The following ARHGEF10 variants were observed in gnomAD, a reference collection of about 807,000 sequenced individuals.
ARHGEF10 encodes Rho guanine nucleotide exchange factor 10, also known as Rho guanine nucleotide exchange factor (GEF) 10.
In ARHGEF10, 140 loss-of-function variants were observed where a neutral mutation model predicts 147.4. The ratio of observed to expected loss-of-function variants is 0.95; its 90% confidence interval spans 0.83 to 1.09. The LOEUF (loss-of-function observed/expected upper bound fraction) is 1.09, where lower values mean the gene tolerates loss of function less well. Among genes scored for constraint, ARHGEF10 ranks in the 50% least tolerant of loss-of-function variants. ARHGEF10 has a pLI of 0.00. For synonymous variants in ARHGEF10, 902 were observed against 695.8 expected (o/e 1.30, Z -4.67); for missense variants, 2,222 against 1,752.7 (o/e 1.27, Z -4.78).
intron 2 of ARHGEF10, among the ~76,000 whole-genome samples, chr8:1,855,156 A>G (rs1805455673): frequency 6.6e-6 from 1 of 152,162 alleles, no homozygotes; most frequent in African/African-American, 2.4e-5. Context: ...CCTTGCAGAT[A>G]TTTGAGAGCC....
At chr8:1,956,722 C>T (rs1815595423) in intron 28 of ARHGEF10, 27 bp from the exon 29 acceptor site, 3 of 1,613,468 alleles carry the variant, frequency 1.9e-6, no homozygotes, top group East Asian at 4.5e-5. Context: ...TTTTAAAAGA[C>T]AGCTGTTGAA....
chr8:1,827,764 T>C (rs1030786328), intron 1 of ARHGEF10, among the ~76,000 whole-genome samples: 2 of 152,174 alleles, frequency 1.3e-5, no homozygotes, highest in Admixed American at 1.3e-4. Context: ...GTGAAAAAGG[T>C]GTAAAATATT....
chr8:1,888,405 T>G (rs1447344218), intron 11 of ARHGEF10, among the ~76,000 whole-genome samples: 1 of 132,940 alleles, frequency 7.5e-6, no homozygotes, highest in Non-Finnish European at 1.6e-5. Flanking sequence ...GACAGTGGGG[T>G]GAGAGTTGTG....
intron 18 of ARHGEF10, among the ~76,000 whole-genome samples, chr8:1,911,538 C>T (rs907477660): frequency 5.3e-5 from 8 of 152,154 alleles, no homozygotes; most frequent in South Asian, 4.1e-4. Context: ...TTTTTTCCGG[C>T]GTCAGGTAAG....
intron 4 of ARHGEF10, among the ~76,000 whole-genome samples, chr8:1,863,752 C>T (rs1362994433): frequency 1.3e-5 from 2 of 152,128 alleles, no homozygotes; most frequent in African/African-American, 4.8e-5. Flanking sequence ...GTTTGGGAAA[C>T]CTGCACTGCG....
chr8:1,878,656 C>T (rs1403816463), intron 8 of ARHGEF10, among the ~76,000 whole-genome samples: 1 of 152,090 alleles, frequency 6.6e-6, no homozygotes, highest in South Asian at 2.1e-4. Flanking sequence ...GTTTCGCCTT[C>T]ATGGTGGGCT....
intron 18 of ARHGEF10, among the ~76,000 whole-genome samples, chr8:1,918,194 G>A (rs1811903533): frequency 6.6e-6 from 1 of 152,198 alleles, no homozygotes; most frequent in African/African-American, 2.4e-5. Flanking sequence ...GTGGTTTCTT[G>A]TTATTCTTGG....
chr8:1,923,146 A>G, intron 19 of ARHGEF10, 67 bp downstream of exon 19: 1 of 1,198,608 alleles, frequency 8.3e-7, no homozygotes, highest in Non-Finnish European at 1.2e-6. Context: ...GTATGTGATT[A>G]TATCTCCAAG....
intron 16 of ARHGEF10, chr8:1,903,699 A>C (rs185651656): frequency 1.4e-5 from 8 of 575,318 alleles, no homozygotes; most frequent in South Asian, 8.0e-5. Flanking sequence ...TAGACCCTCA[A>C]ATGGATCCAG....
In ARHGEF10 at chr8:1,847,844, A is replaced by G. The variant is rs371524770; in HGVS notation, c.37+4408A>G. 2.6e-3 allele frequency among the ~76,000 whole-genome samples: 391 copies of G among 152,362 alleles called. 1 individual carries two copies. The highest frequency in any genetic ancestry group is 9.0e-3 in the African/African-American group (373 of 41,578). On this transcript the variant is annotated intron_variant, in intron 2 of 28. Coordinates refer to ENST00000349830, the MANE Select transcript of ARHGEF10 (RefSeq NM_014629.4). ...TTAAACCTTCATATGAGAATCAAAC[A>G]TGCTCTTCCAAGCCCCAGGAAAAGT...
Position 1,929,318 on chromosome 8 carries a change from A to G in ARHGEF10, c.2954A>G (p.Lys985Arg). ...ATTTATAAAAGCAGTCAAGGCTCCA[A>G]GAAAGTGAGACTTCAGCACTTTTTC... ...ISIYKSSQGSKKVRLQHFFTP... is the reference protein window; with the variant it reads ...ISIYKSSQGSRKVRLQHFFTP... The change falls in exon 25 of 29, where the codon AAG becomes AGG. Residue 985 changes from lysine (K) to arginine (R), a missense_variant. Transcript: ENST00000349830. The G allele has an allele frequency of 6.2e-7, 1 of 1,614,148 alleles. No homozygotes were observed. Among genetic ancestry groups the G allele is most frequent in the Non-Finnish European group, 8.5e-7 (1 of 1,180,038 alleles).
At chr8:1,841,343 C>G (rs995514152) in intron 1 of ARHGEF10, among the ~76,000 whole-genome samples, 3 of 152,204 alleles carry the variant, frequency 2.0e-5, no homozygotes, top group Admixed American at 6.5e-5. Flanking sequence ...CTGCCCTGAA[C>G]GCACACTGAT....
At chr8:1,879,194 G>A (rs984337969) in intron 8 of ARHGEF10, among the ~76,000 whole-genome samples, 1 of 152,154 alleles carries the variant, frequency 6.6e-6, no homozygotes, top group African/African-American at 2.4e-5. Flanking sequence ...CCTCAGCCAC[G>A]TGCATCTGAA....
intron 1 of ARHGEF10, chr8:1,825,959 A>C (rs1802745160): frequency 1.5e-6 from 1 of 673,682 alleles, no homozygotes; most frequent in African/African-American, 1.8e-5. Context: ...TATAGAAAAT[A>C]ATTTTTATTC....
intron 27 of ARHGEF10, among the ~76,000 whole-genome samples, chr8:1,949,837 T>A (rs796108006): frequency 9.9e-5 from 15 of 152,174 alleles, no homozygotes; most frequent in African/African-American, 3.4e-4. Context: ...GTCCTTTGTT[T>A]TATGTTCCAG....
chr8:1,957,195 C>G lies in ARHGEF10; in HGVS notation c.3967C>G (p.Arg1323Gly), dbSNP rs201516531. 1 of 1,612,214 alleles carries G rather than the reference C, an allele frequency of 6.2e-7. No homozygotes were observed. The highest frequency in any genetic ancestry group is 8.5e-7 in the Non-Finnish European group (1 of 1,179,954). The change falls in exon 29 of 29, where the codon CGG (arginine) becomes GGG (glycine). Residue 1323 changes from arginine (R) to glycine (G), a missense_variant. Arg to Gly is a moderately radical substitution (Grantham distance 125). Coordinates refer to ENST00000349830, the MANE Select transcript of ARHGEF10 (RefSeq NM_014629.4). ...QGHRRVHRKA[R>G]QPHQEELAPT... ...CCACCGCCGGGTGCACAGGAAGGCCCGGCAGCCCCACCAGGAAGAGCTGGC... is the reference window on the plus strand; with the variant it reads ...CCACCGCCGGGTGCACAGGAAGGCCGGGCAGCCCCACCAGGAAGAGCTGGC...
At chr8:1,905,838 C>G (rs1810848387) in intron 17 of ARHGEF10, 122 bp downstream of exon 17, 10 of 1,281,742 alleles carry the variant, frequency 7.8e-6, no homozygotes, top group Non-Finnish European at 1.0e-5. Context: ...TGCCAAAGCT[C>G]TGTCCTGTGA....
rs374771291 is a variant in ARHGEF10, at chr8:1,904,485, C to A, written c.1821+1034C>A. Among the ~76,000 whole-genome samples, 45 of 152,290 alleles carry A rather than the reference C, an allele frequency of 3.0e-4. 1 individual carries two copies. The South Asian group carries it at 9.1e-3, about 31-fold the overall frequency. On this transcript the variant is annotated intron_variant, in intron 16 of 28. Transcript: ENST00000349830. Reference sequence around the variant, plus strand: ...ATACACTTTAAGCCACATATTTTCCCCATTTCTCCAAGTGGTTTATGTAGG... The same window carrying A: ...ATACACTTTAAGCCACATATTTTCCACATTTCTCCAAGTGGTTTATGTAGG...
At chr8:1,850,433 G>A (rs1382650990) in intron 2 of ARHGEF10, among the ~76,000 whole-genome samples, 1 of 151,254 alleles carries the variant, frequency 6.6e-6, no homozygotes, top group Non-Finnish European at 1.5e-5. Context: ...GACACAGACG[G>A]CAAATGCTGA....
Sources: allele counts gnomAD v4.1 joint callset (sites outside exome capture counted in the v4.1 genomes callset), GRCh38; gene constraint gnomAD v4.1.1; transcripts MANE v1.5; gene names NCBI Gene and HGNC (gene_info 2026-07-23, HGNC 2026-07-21).